Variants in PRKCA observed in about 807,000 individuals in gnomAD.
PRKCA encodes protein kinase C alpha type.
In PRKCA, 27 loss-of-function variants were observed where a neutral mutation model predicts 87.0. The ratio of observed to expected loss-of-function variants is 0.31; its 90% CI spans 0.23 to 0.43. PRKCA has a LOEUF of 0.43. Ranked by LOEUF, PRKCA falls within the 20% of genes least tolerant of loss-of-function variation. The probability of loss-of-function intolerance (pLI) is 1.00; values close to 1 mark genes in which losing one functional copy is unlikely to be tolerated. For missense variants in PRKCA, 518 were observed against 852.3 expected (o/e 0.61, Z 4.88); for synonymous variants, 329 against 311.1 (o/e 1.06, Z -0.61).
chr17:66,512,852 C>G (rs1917301592), intron 3 of PRKCA, among the ~76,000 whole-genome samples: 1 of 151,996 alleles, frequency 6.6e-6, no homozygotes, highest in African/African-American at 2.4e-5. Context: ...ACCACCATGC[C>G]CGGCTAATTT....
intron 3 of PRKCA, among the ~76,000 whole-genome samples, chr17:66,580,421 G>C (rs564631551): frequency 9.9e-5 from 15 of 152,278 alleles, no homozygotes; most frequent in African/African-American, 3.6e-4. Context: ...GGCACTGGGG[G>C]CTGGCTGGGA....
At chr17:66,439,767 T>C (rs1028233970) in intron 2 of PRKCA, among the ~76,000 whole-genome samples, 14 of 152,216 alleles carry the variant, frequency 9.2e-5, no homozygotes, top group Non-Finnish European at 1.6e-4. Context: ...GATGTTCGTT[T>C]TGGCAAGAAG....
chr17:66,342,480 T>C (rs935603498), intron 2 of PRKCA, among the ~76,000 whole-genome samples: 1 of 123,536 alleles, frequency 8.1e-6, no homozygotes, highest in Admixed American at 8.0e-5. Context: ...ATAATAATAA[T>C]AATAAATTCA....
chr17:66,665,581 C>A (rs1357167071), intron 5 of PRKCA, among the ~76,000 whole-genome samples: 2 of 152,294 alleles, frequency 1.3e-5, no homozygotes, highest in African/African-American at 4.8e-5. Flanking sequence ...TGCCGGATTT[C>A]TCAAAGTGTG....
At chr17:66,800,639 C>T (rs559374959) in intron 16 of PRKCA, among the ~76,000 whole-genome samples, 3 of 152,318 alleles carry the variant, frequency 2.0e-5, no homozygotes, top group East Asian at 1.9e-4. Context: ...CTTTTGGAAA[C>T]GTCCCATTGG....
rs1363961313 is a variant in PRKCA at position 66,809,149 on chromosome 17, T to A, written c.*5112T>A. ...GTTACCTGTTTCTGCTGCTAGAAGA[T>A]CCAGGAAATTGGGAAGGTTACCTGA... is the stretch of plus-strand genomic sequence containing the variant. On this transcript the variant is annotated 3_prime_UTR_variant, in exon 17 of 17. Transcript: ENST00000413366. The A allele has an allele frequency of 2.0e-5, 3 of 152,234 alleles. No individual in the cohort carries two copies. Among genetic ancestry groups the A allele is most frequent in the Admixed American group, 6.5e-5 (1 of 15,278 alleles). 9.4% of individuals were successfully genotyped at this position (152,234 alleles called of 1,614,324 possible).
intron 2 of PRKCA, among the ~76,000 whole-genome samples, chr17:66,471,184 G>C (rs1915310488): frequency 6.6e-6 from 1 of 152,138 alleles, no homozygotes; most frequent in African/African-American, 2.4e-5. Flanking sequence ...TCTATAAGTA[G>C]CATTCATCAG....
At chr17:66,533,786 A>G (rs1318551073) in intron 3 of PRKCA, among the ~76,000 whole-genome samples, 2 of 152,130 alleles carry the variant, frequency 1.3e-5, no homozygotes, top group African/African-American at 4.8e-5. Context: ...TTAGTTGCTC[A>G]GGCTTCTTTC....
intron 14 of PRKCA, chr17:66,774,684 G>C: frequency 1.0e-6 from 1 of 986,550 alleles, no homozygotes; most frequent in Non-Finnish European, 1.2e-6. Flanking sequence ...TCTTAAAACT[G>C]GGGTTGGGTT....
intron 2 of PRKCA, among the ~76,000 whole-genome samples, chr17:66,308,593 C>G (rs1421355407): frequency 2.6e-5 from 4 of 152,144 alleles, no homozygotes; most frequent in Non-Finnish European, 4.4e-5. Flanking sequence ...TTACAAATTA[C>G]AGTTCACAGA....
chr17:66,642,646 A>G (rs1012385635), intron 4 of PRKCA, among the ~76,000 whole-genome samples: 9 of 152,208 alleles, frequency 5.9e-5, no homozygotes, highest in Admixed American at 2.6e-4. Flanking sequence ...AGCAAACTGT[A>G]GAAAAAGAAA....
chr17:66,794,795 T>A (rs1378516353), intron 16 of PRKCA, among the ~76,000 whole-genome samples: 4 of 152,026 alleles, frequency 2.6e-5, no homozygotes, highest in African/African-American at 9.7e-5. Flanking sequence ...TAATTTTTTT[T>A]ATATTTTTAG....
At chr17:66,735,086 G>T (rs568079453) in intron 9 of PRKCA, among the ~76,000 whole-genome samples, 49 of 152,288 alleles carry the variant, frequency 3.2e-4, no homozygotes, top group African/African-American at 1.1e-3. Context: ...ACATTTCATA[G>T]ACGCAGGAAC....
At chr17:66,360,846 AG>A (rs1008390472) in intron 2 of PRKCA, among the ~76,000 whole-genome samples, 1 of 152,182 alleles carries the variant, frequency 6.6e-6, no homozygotes, top group Non-Finnish European at 1.5e-5. Context: ...TGGCGCTTAG[AG>A]GAAGTCTCGA....
intron 3 of PRKCA, among the ~76,000 whole-genome samples, chr17:66,538,441 T>G (rs750957117): frequency 2.0e-5 from 3 of 152,156 alleles, no homozygotes; most frequent in Non-Finnish European, 4.4e-5. Flanking sequence ...GAAGGGGTGT[T>G]AGGAGGCTGT....
At chr17:66,574,874 T>G (rs1219172400) in intron 3 of PRKCA, among the ~76,000 whole-genome samples, 1 of 152,172 alleles carries the variant, frequency 6.6e-6, no homozygotes, top group Non-Finnish European at 1.5e-5. Context: ...AATAATAAAA[T>G]AGAACAATTC....
chr17:66,797,864 T>G (rs1975704462), intron 16 of PRKCA, among the ~76,000 whole-genome samples: 1 of 152,192 alleles, frequency 6.6e-6, no homozygotes. Flanking sequence ...GGCAAAAGCC[T>G]CAGTCGGCAA....
chr17:66,578,147 AAAC>A (rs796380770), intron 3 of PRKCA, among the ~76,000 whole-genome samples: 11 of 151,406 alleles, frequency 7.3e-5, no homozygotes, highest in African/African-American at 1.5e-4. Flanking sequence ...AAACAAAACA[AAAC>A]AAAACAAAAC....
At position 66,774,156 on chromosome 17, in the gene PRKCA, G is replaced by T. The variant is rs570781713; in HGVS notation, c.1605+89G>T. On this transcript the variant is annotated intron_variant, in intron 14 of 16. Transcript: ENST00000413366. ...TTGGGCCTCGAGAGCAAGACCTGAC[G>T]TTTTAGTGCAGCTGGTGTTGGCGTG... is the stretch of plus-strand genomic sequence containing the variant. 2.5e-6 allele frequency: 4 copies of T among 1,602,636 alleles called. No homozygotes were observed. The African/African-American group carries it at 5.4e-5, about 21-fold the overall frequency.
Sources: gnomAD v4.1 joint callset for allele counts (sites outside exome capture counted in the v4.1 genomes callset) on GRCh38, gnomAD v4.1.1 for gene constraint, MANE v1.5 for transcripts, NCBI Gene and HGNC (gene_info 2026-07-23, HGNC 2026-07-21) for gene names.